Variants in MBNL1 observed in about 807,000 individuals in gnomAD.
The protein encoded by MBNL1 is muscleblind like splicing regulator 1, also known as muscleblind-like protein 1.
MBNL1 carries 8 observed loss-of-function variants against 42.2 expected under a neutral mutation model. That is an observed-to-expected ratio of 0.19 (90% CI 0.11 to 0.34). The LOEUF is 0.34. Among genes scored for constraint, MBNL1 ranks in the 10% least tolerant of loss-of-function variants. The pLI, the probability that MBNL1 is intolerant of heterozygous loss-of-function variation, is 1.00. For missense variants in MBNL1, 309 were observed against 495.3 expected (o/e 0.62, Z 3.57); for synonymous variants, 169 against 173.9 (o/e 0.97, Z 0.22).
At chr3:152,302,536 T>C (rs921563828) in intron 2 of MBNL1, 2 of 152,194 alleles carry the variant, frequency 1.3e-5, no homozygotes, top group African/African-American at 4.8e-5. Flanking sequence ...TGTGATTCTT[T>C]GTACAGTATT....
intron 2 of MBNL1, among the ~76,000 whole-genome samples, chr3:152,363,387 G>A (rs1379242005): frequency 2.6e-5 from 4 of 152,092 alleles, no homozygotes. Flanking sequence ...AAAGAGTAAG[G>A]CCTTAGCAGG....
chr3:152,434,092 T>C (rs2099046223), intron 4 of MBNL1, among the ~76,000 whole-genome samples: 1 of 152,208 alleles, frequency 6.6e-6, no homozygotes, highest in African/African-American at 2.4e-5. Context: ...ATGTGCAGGT[T>C]TTTATATAGG....
chr3:152,402,244 T>C (rs1388117465), intron 2 of MBNL1, among the ~76,000 whole-genome samples: 1 of 152,118 alleles, frequency 6.6e-6, no homozygotes, highest in African/African-American at 2.4e-5. Context: ...GAGAGCAGCC[T>C]GGTCATTTTC....
At chr3:152,285,421 C>T (rs1011443459) in intron 1 of MBNL1, among the ~76,000 whole-genome samples, 4 of 152,020 alleles carry the variant, frequency 2.6e-5, no homozygotes, top group African/African-American at 9.7e-5. Flanking sequence ...ATGCAAGCCT[C>T]GCCTCAATTT....
intron 2 of MBNL1, among the ~76,000 whole-genome samples, chr3:152,246,175 G>T (rs923157061): frequency 1.3e-5 from 2 of 152,124 alleles, no homozygotes; most frequent in African/African-American, 4.8e-5. Flanking sequence ...GAGATATTTT[G>T]ATATCATGAG....
rs545024231 is a variant in MBNL1, at chr3:152,262,271, G to A, written n.333+17831G>A. Among the ~76,000 whole-genome samples the A allele has an allele frequency of 6.6e-5, 10 of 152,266 alleles. No individual in the cohort carries two copies. In the East Asian group the frequency reaches 1.9e-3, roughly 29 times the overall value. On this transcript the variant is annotated intron_variant and non_coding_transcript_variant, in intron 2 of 2. Transcript: ENST00000477171. ...TGGACAAGGCAAAGAGGAAAGAAGA[G>A]AAAAAGAAACAGATATATGAAACTC...
At chr3:152,279,385 C>T (rs1249315817) in intron 1 of MBNL1, among the ~76,000 whole-genome samples, 2 of 152,118 alleles carry the variant, frequency 1.3e-5, no homozygotes, top group East Asian at 3.8e-4. Context: ...CCCCATCCCT[C>T]CCCATCCCAT....
intron 2 of MBNL1, among the ~76,000 whole-genome samples, chr3:152,347,514 A>C (rs1396679754): frequency 6.6e-6 from 1 of 152,088 alleles, no homozygotes; most frequent in Non-Finnish European, 1.5e-5. Flanking sequence ...AAATATGTCG[A>C]CCTTTATAGC....
chr3:152,275,973 A>G (rs1249138196), intron 1 of MBNL1, among the ~76,000 whole-genome samples: 2 of 152,048 alleles, frequency 1.3e-5, no homozygotes, highest in African/African-American at 2.4e-5. Context: ...TGACATTATA[A>G]AGGTGTAAAT....
chr3:152,301,907 T>G (rs1165795950), intron 2 of MBNL1: 1 of 152,194 alleles, frequency 6.6e-6, no homozygotes, highest in African/African-American at 2.4e-5. Context: ...AATCCAATTT[T>G]TAATCCTACA....
intron 2 of MBNL1, among the ~76,000 whole-genome samples, chr3:152,383,327 A>G (rs942180662): frequency 6.6e-6 from 1 of 152,054 alleles, no homozygotes; most frequent in Non-Finnish European, 1.5e-5. Flanking sequence ...AAAAGCCCTG[A>G]AATGTTATGT....
At chr3:152,418,074 C>G (rs185058921) in intron 3 of MBNL1, among the ~76,000 whole-genome samples, 1 of 152,080 alleles carries the variant, frequency 6.6e-6, no homozygotes, top group Non-Finnish European at 1.5e-5. Flanking sequence ...TGTACCAAGC[C>G]AAGAATCAGA....
chr3:152,365,200 C>G (rs1435278661), intron 2 of MBNL1, among the ~76,000 whole-genome samples: 1 of 151,948 alleles, frequency 6.6e-6, no homozygotes, highest in Non-Finnish European at 1.5e-5. Context: ...AAGGTGTAGT[C>G]CAAAAACGCT....
intron 1 of MBNL1, among the ~76,000 whole-genome samples, chr3:152,296,857 A>G (rs1328783813): frequency 1.4e-5 from 1 of 72,770 alleles, no homozygotes; most frequent in Non-Finnish European, 3.2e-5. Context: ...TCTATTTTGC[A>G]TCATTATGGC....
intron 3 of MBNL1, among the ~76,000 whole-genome samples, chr3:152,431,118 A>ATT (rs1279241043): frequency 1.3e-5 from 2 of 152,222 alleles, no homozygotes; most frequent in Non-Finnish European, 2.9e-5. Flanking sequence ...GTTCCCTAAG[A>ATT]AAGGCCTTCT....
intron 2 of MBNL1, among the ~76,000 whole-genome samples, chr3:152,322,347 C>T (rs1182487926): frequency 1.3e-5 from 2 of 152,036 alleles, no homozygotes; most frequent in Non-Finnish European, 2.9e-5. Flanking sequence ...CTTGCCCCAT[C>T]CCCAAGATTA....
In MBNL1 at chr3:152,459,155, A is replaced by G. The variant is rs190845434; in HGVS notation, c.1093-116A>G. ...CTGTTATGTTGACCAGATAAGGACT[A>G]TCACCTCACAGCTGAATTTCACTTT... On this transcript the variant is annotated intron_variant, in intron 8 of 9. Coordinates refer to ENST00000324210, the MANE Select transcript of MBNL1 (RefSeq NM_021038.5). The G allele has an allele frequency of 1.1e-5, 6 of 542,968 alleles. No homozygotes were observed. The Admixed American group carries it at 1.1e-4, about 10-fold the overall frequency. 33.6% of individuals were successfully genotyped at this position (542,968 alleles called of 1,614,324 possible).
intron 2 of MBNL1, among the ~76,000 whole-genome samples, chr3:152,330,939 T>TC (rs1395586519): frequency 1.3e-5 from 2 of 152,162 alleles, no homozygotes; most frequent in Non-Finnish European, 2.9e-5. Context: ...CTATATACAG[T>TC]CAGGTAAGCC....
chr3:152,292,732 A>C (rs2151077577), intron 1 of MBNL1, among the ~76,000 whole-genome samples: 1 of 152,040 alleles, frequency 6.6e-6, no homozygotes, highest in Non-Finnish European at 1.5e-5. Context: ...GTGTATATGT[A>C]TCTATTCTTT....
Sources: gnomAD v4.1 joint callset for allele counts (sites outside exome capture counted in the v4.1 genomes callset) on GRCh38, gnomAD v4.1.1 for gene constraint, MANE v1.5 for transcripts, NCBI Gene and HGNC (gene_info 2026-07-23, HGNC 2026-07-21) for gene names.